PCDHGA2: variants seen among roughly 807,000 people sequenced by gnomAD.
The protein encoded by PCDHGA2 is protocadherin gamma subfamily A, 2, also known as protocadherin gamma-A2.
Under a neutral mutation model 59.2 loss-of-function variants are expected in PCDHGA2, and 40 were observed. The observed-to-expected ratio is 0.68, with a 90% CI of 0.52 to 0.88. PCDHGA2 has a LOEUF of 0.88. PCDHGA2 is among the 40% of genes least tolerant of loss of function. The pLI, the probability that PCDHGA2 is intolerant of heterozygous loss-of-function variation, is 0.00. For synonymous variants in PCDHGA2, 560 were observed against 526.0 expected, an observed-to-expected ratio of 1.06 and a Z score of -0.89; for missense variants, 1,226 against 1,204.0, an observed-to-expected ratio of 1.02 and a Z score of -0.27.
At chr5:141,419,192 G>C (rs772847766) in intron 1 of PCDHGA2, 2 of 1,613,934 alleles carry the variant, frequency 1.2e-6, no homozygotes, top group Admixed American at 1.7e-5. Context: ...CATTACTGAC[G>C]TCAATGACAA....
chr5:141,360,175 C>T (rs1761457056), intron 1 of PCDHGA2: 1 of 1,609,628 alleles, frequency 6.2e-7, no homozygotes, highest in Non-Finnish European at 8.5e-7. Context: ...GGTGCGGTGG[C>T]TGCAGGTACT....
intron 1 of PCDHGA2, chr5:141,420,445 T>C: frequency 9.6e-7 from 1 of 1,044,750 alleles, no homozygotes; most frequent in Non-Finnish European, 1.3e-6. Context: ...AATGCCTCAG[T>C]CTTCCTACTA....
intron 1 of PCDHGA2, chr5:141,361,144 A>G: frequency 6.2e-7 from 1 of 1,613,986 alleles, no homozygotes; most frequent in South Asian, 1.1e-5. Flanking sequence ...CCAAGTTGAA[A>G]TTCTTGATGA....
At chr5:141,366,104 G>A in intron 1 of PCDHGA2, 2 of 1,614,250 alleles carry the variant, frequency 1.2e-6, no homozygotes, top group Non-Finnish European at 1.7e-6. Flanking sequence ...GACCAAGGTG[G>A]TAGCGGTGGA....
At chr5:141,347,280 A>G (rs1757946622) in intron 1 of PCDHGA2, among the ~76,000 whole-genome samples, 1 of 151,726 alleles carries the variant, frequency 6.6e-6, no homozygotes, top group Admixed American at 6.6e-5. Context: ...CAGCCTCCCG[A>G]GTAGCTGGGA....
chr5:141,342,270 T>A (rs1477163731), intron 1 of PCDHGA2: 1 of 152,222 alleles, frequency 6.6e-6, no homozygotes, highest in Non-Finnish European at 1.5e-5. Context: ...TCTCAAGGTT[T>A]CTACTCACAA....
Position 141,486,650 on chromosome 5 carries a change from T to C in PCDHGA2, c.2425-8157T>C, listed in dbSNP as rs1321605826. On this transcript the variant is annotated intron_variant, in intron 1 of 3. Coordinates refer to ENST00000394576, the MANE Select transcript of PCDHGA2 (RefSeq NM_018915.4). The surrounding 1 kb of genome is among the most constrained non-coding windows in gnomAD (Gnocchi z 5.0). ...TGGCTTGAATGCGCTTATCTCCTAC[T>C]CACTCCTGGAGCCCAGGAATCGAGA... is the stretch of plus-strand genomic sequence containing the variant. The C allele has an allele frequency of 6.2e-7, 1 of 1,613,834 alleles. No individual in the cohort carries two copies. Among genetic ancestry groups the C allele is most frequent in the African/African-American group, 1.3e-5 (1 of 74,938 alleles).
chr5:141,413,756 A>G, intron 1 of PCDHGA2: 1 of 1,613,042 alleles, frequency 6.2e-7, no homozygotes, highest in South Asian at 1.1e-5. Context: ...AATGGCGTCA[A>G]GTACCCGGAG....
Position 141,487,623 on chromosome 5 carries a change from CT to C in PCDHGA2, c.2425-7181del. 1 of 1,614,206 alleles carries C rather than the reference CT, an allele frequency of 6.2e-7. No homozygotes were observed. Among genetic ancestry groups the C allele is most frequent in the Non-Finnish European group, 8.5e-7 (1 of 1,180,044 alleles). On this transcript the variant is annotated intron_variant, in intron 1 of 3. Transcript: ENST00000394576. This position sits in a 1 kb window ranked among gnomAD's most constrained non-coding sequence, Gnocchi z 5.0. ...CTTCTCTATGGGCTAGAGGTGAGAC[CT>C]TTGCAGGCTCAACAAATGCTTGAGG...
intron 1 of PCDHGA2, chr5:141,344,166 G>A: frequency 6.2e-7 from 1 of 1,614,022 alleles, no homozygotes; most frequent in Non-Finnish European, 8.5e-7. Context: ...AGGTTCCTTC[G>A]TGGGCAACAT....
At chr5:141,350,999 A>C in intron 1 of PCDHGA2, 1 of 1,614,076 alleles carries the variant, frequency 6.2e-7, no homozygotes, top group Non-Finnish European at 8.5e-7. Flanking sequence ...ATACAGGGTT[A>C]GCCTCCAAGA....
At chr5:141,359,113 G>T (rs1230584767) in intron 1 of PCDHGA2, among the ~76,000 whole-genome samples, 2 of 152,214 alleles carry the variant, frequency 1.3e-5, no homozygotes, top group Non-Finnish European at 2.9e-5. Flanking sequence ...TTCATAGAAA[G>T]TTGTGGTGCA....
chr5:141,392,688 C>T (rs1009459106), intron 1 of PCDHGA2: 2 of 1,113,934 alleles, frequency 1.8e-6, no homozygotes, highest in Non-Finnish European at 2.5e-6. Flanking sequence ...GCAGCGAAAC[C>T]CGACCCCTGT....
At chr5:141,365,022 C>G in intron 1 of PCDHGA2, 1 of 1,613,864 alleles carries the variant, frequency 6.2e-7, no homozygotes. Context: ...ATCCGTGTTA[C>G]GGTCCTCGAC....
chr5:141,382,453 G>A (rs1300977672), intron 1 of PCDHGA2, among the ~76,000 whole-genome samples: 1 of 152,202 alleles, frequency 6.6e-6, no homozygotes, highest in Non-Finnish European at 1.5e-5. Flanking sequence ...GCAAGGCAAA[G>A]CAGTTTTTTA....
At chr5:141,416,589 TTA>T (rs1386515449) in intron 1 of PCDHGA2, 2 of 151,996 alleles carry the variant, frequency 1.3e-5, no homozygotes, top group African/African-American at 4.8e-5. Context: ...CAAAATAAAC[TTA>T]GAGTCAAGAA....
chr5:141,382,887 A>T (rs1778529404), intron 1 of PCDHGA2: 1 of 1,530,424 alleles, frequency 6.5e-7, no homozygotes, highest in Non-Finnish European at 8.8e-7. Context: ...TAAGCAAGAG[A>T]AGCAGGACGA....
In PCDHGA2 at chr5:141,490,072, G is replaced by A; in HGVS notation, c.2425-4735G>A. On this transcript the variant is annotated intron_variant, in intron 1 of 3. Transcript: ENST00000394576. This position sits in a 1 kb window ranked among gnomAD's most constrained non-coding sequence, Gnocchi z 5.4. ...AGACGAGGGCACCAACGGCCAACTA[G>A]ACTATTCTTTTGGAGACCACACATC... is the stretch of plus-strand genomic sequence containing the variant. The A allele has an allele frequency of 6.2e-7, 1 of 1,614,254 alleles. No homozygotes were observed. The highest frequency in any genetic ancestry group is 8.5e-7 in the Non-Finnish European group (1 of 1,180,042).
intron 1 of PCDHGA2, among the ~76,000 whole-genome samples, chr5:141,437,923 A>G (rs893873818): frequency 2.0e-5 from 3 of 152,110 alleles, no homozygotes; most frequent in African/African-American, 7.2e-5. Context: ...TTTTTAGTAG[A>G]GATGGGGTTT....
Sources: allele counts gnomAD v4.1 joint callset (sites outside exome capture counted in the v4.1 genomes callset), GRCh38; gene constraint gnomAD v4.1.1; non-coding constraint Gnocchi (gnomAD v3.1); transcripts MANE v1.5; gene names NCBI Gene and HGNC (gene_info 2026-07-23, HGNC 2026-07-21).